COLEC10: variants seen among roughly 807,000 people sequenced by gnomAD.
COLEC10 encodes collectin-10.
In COLEC10, 22 loss-of-function variants were observed where a neutral mutation model predicts 28.4. The ratio of observed to expected loss-of-function variants is 0.78; its 90% CI spans 0.55 to 1.11. The LOEUF (loss-of-function observed/expected upper bound fraction) is 1.11. Among genes scored for constraint, COLEC10 ranks in the 50% least tolerant of loss-of-function variants. The pLI, the probability that COLEC10 is intolerant of heterozygous loss-of-function variation, is 0.00. For missense variants in COLEC10, 361 were observed against 344.1 expected (o/e 1.05, Z -0.39); for synonymous variants, 125 against 116.1 (o/e 1.08, Z -0.49).
chr8:119,051,081 G>A (rs957133926), intron 2 of COLEC10, among the ~76,000 whole-genome samples: 1 of 151,838 alleles, frequency 6.6e-6, no homozygotes, highest in Non-Finnish European at 1.5e-5. Flanking sequence ...ATGTCTTATA[G>A]AACTATTGAC....
At chr8:119,044,832 GAGAC>G (rs1416238066) in intron 2 of COLEC10, among the ~76,000 whole-genome samples, 2 of 150,548 alleles carry the variant, frequency 1.3e-5, no homozygotes, top group East Asian at 3.9e-4. Context: ...ATGACAGAGT[GAGAC>G]TGTCTCCAAA....
chr8:119,001,838 A>G (rs907899297), intron 1 of COLEC10, among the ~76,000 whole-genome samples: 9 of 152,214 alleles, frequency 5.9e-5, no homozygotes, highest in Admixed American at 5.2e-4. Context: ...TATAAACTCA[A>G]AAAGAATAAT....
At chr8:119,068,087 T>C (rs1228651474) in intron 1 of COLEC10, 1 of 152,142 alleles carries the variant, frequency 6.6e-6, no homozygotes, top group Non-Finnish European at 1.5e-5. Context: ...TTTTAAAAAA[T>C]CTATTTTTCT....
rs1471914612 is a variant in COLEC10, at chr8:119,105,949, T to G, written c.592T>G (p.Tyr198Asp). ...DEAANTLIAD[Y>D]VAKSGFFRVF... ...AGCTGCCAACACACTCATCGCTGAC[T>G]ATGTTGCCAAGAGTGGCTTCTTTCG... The change falls in exon 6 of 6, where the codon TAT (tyrosine) becomes GAT (aspartate). Residue 198 changes from tyrosine (Y) to aspartate (D), a missense_variant. Physicochemically the swap from Tyr to Asp is radical, Grantham distance 160 (BLOSUM62 -3). Around this residue, in one of 3 missense-constraint regions of COLEC10, gnomAD observed 335 missense variants for 308.5 expected, o/e 1.09. Coordinates refer to ENST00000332843, the MANE Select transcript of COLEC10 (RefSeq NM_006438.5). The G allele has an allele frequency of 6.2e-7, 1 of 1,613,880 alleles. No individual in the cohort carries two copies. The highest frequency in any genetic ancestry group is 8.5e-7 in the Non-Finnish European group (1 of 1,179,890).
chr8:119,083,288 T>C (rs1421242940), intron 1 of COLEC10, among the ~76,000 whole-genome samples: 1 of 152,212 alleles, frequency 6.6e-6, no homozygotes, highest in Non-Finnish European at 1.5e-5. Flanking sequence ...GATTCTTCAA[T>C]GATAGTCTAT....
the COLEC10 span, among the ~76,000 whole-genome samples, chr8:118,964,026 T>G: frequency 6.6e-6 from 1 of 152,124 alleles, no homozygotes; most frequent in Non-Finnish European, 1.5e-5. Context: ...AGTGAAAATG[T>G]TAAAAGTGCT....
chr8:119,039,557 G>C (rs780079341), intron 2 of COLEC10, among the ~76,000 whole-genome samples: 1 of 152,106 alleles, frequency 6.6e-6, no homozygotes, highest in African/African-American at 2.4e-5. Context: ...CATTTGGTGT[G>C]GAATGGTATT....
intron 1 of COLEC10, among the ~76,000 whole-genome samples, chr8:119,082,476 C>G (rs1387628890): frequency 2.0e-5 from 3 of 152,200 alleles, no homozygotes; most frequent in African/African-American, 7.2e-5. Context: ...GTGCCAAGTG[C>G]TAGGAATACA....
intron 2 of COLEC10, among the ~76,000 whole-genome samples, chr8:119,052,308 C>T (rs1246063755): frequency 6.6e-6 from 1 of 152,058 alleles, no homozygotes; most frequent in African/African-American, 2.4e-5. Flanking sequence ...GGTAGCAGCA[C>T]CAAGTCTTTG....
intron 2 of COLEC10, among the ~76,000 whole-genome samples, chr8:119,034,641 G>A (rs554999211): frequency 7.7e-4 from 117 of 152,186 alleles, no homozygotes; most frequent in African/African-American, 2.7e-3. Flanking sequence ...CCCAGGAGGC[G>A]GAGGTTGCAG....
At chr8:119,001,021 G>A (rs947830374) in intron 1 of COLEC10, among the ~76,000 whole-genome samples, 2 of 152,116 alleles carry the variant, frequency 1.3e-5, no homozygotes, top group African/African-American at 2.4e-5. Flanking sequence ...GACATTACTG[G>A]GACGATCAGT....
the COLEC10 span, among the ~76,000 whole-genome samples, chr8:118,973,498 C>T: frequency 6.6e-6 from 1 of 151,944 alleles, no homozygotes; most frequent in African/African-American, 2.4e-5. Context: ...CACTTCTTTA[C>T]CATGTACATT....
chr8:119,007,923 A>G (rs867179322), intron 1 of COLEC10, among the ~76,000 whole-genome samples: 1 of 150,948 alleles, frequency 6.6e-6, no homozygotes, highest in African/African-American at 2.5e-5. Flanking sequence ...ATGAGATATA[A>G]TGAGATAATC....
chr8:119,019,284 C>T (rs1276045281), intron 2 of COLEC10, among the ~76,000 whole-genome samples: 1 of 152,076 alleles, frequency 6.6e-6, no homozygotes, highest in Non-Finnish European at 1.5e-5. Flanking sequence ...GAGGAGAATA[C>T]CGGAAAACTG....
the COLEC10 span, among the ~76,000 whole-genome samples, chr8:118,987,725 A>G: frequency 1.3e-5 from 2 of 152,198 alleles, no homozygotes; most frequent in African/African-American, 2.4e-5. Context: ...ATAAAGATAG[A>G]TGTAGACATT....
intron 2 of COLEC10, chr8:119,009,562 T>G (rs1437784254): frequency 6.6e-6 from 1 of 150,884 alleles, no homozygotes; most frequent in East Asian, 1.9e-4. Flanking sequence ...CTGTAAGAAA[T>G]AAATTTCTTC....
the COLEC10 span, among the ~76,000 whole-genome samples, chr8:118,975,198 C>T: frequency 6.6e-6 from 1 of 152,024 alleles, no homozygotes. Flanking sequence ...AACATCCTAA[C>T]ACTACATCAG....
intron 2 of COLEC10, among the ~76,000 whole-genome samples, chr8:119,020,769 TC>T (rs1814076365): frequency 6.6e-6 from 1 of 152,182 alleles, no homozygotes; most frequent in Admixed American, 6.6e-5. Flanking sequence ...TTGAATCAGT[TC>T]CTAAAATTGT....
At position 119,106,293 on chromosome 8, in the gene COLEC10, C is replaced by A; in HGVS notation, c.*102C>A. 3 of 1,275,366 alleles carry A rather than the reference C, an allele frequency of 2.4e-6. No individual in the cohort carries two copies. Among genetic ancestry groups the A allele is most frequent in the Non-Finnish European group, 3.2e-6 (3 of 924,016 alleles). The allele number at this position is 1,275,366 out of a possible 1,614,324, so 79.0% of individuals were successfully genotyped here. A position where few individuals can be genotyped will look rare whatever the true frequency, so the allele number is the denominator to read the frequency against. ...TTGTACTACATTTGATCTGAGTCAA[C>A]ATAGCTAGAAAATGCTAAACTGAGG... On this transcript the variant is annotated 3_prime_UTR_variant, in exon 6 of 6. Transcript: ENST00000332843.
Sources: allele counts gnomAD v4.1 joint callset (sites outside exome capture counted in the v4.1 genomes callset), GRCh38; gene constraint gnomAD v4.1.1; regional missense constraint gnomAD v4.1.1; transcripts MANE v1.5; gene names NCBI Gene and HGNC (gene_info 2026-07-23, HGNC 2026-07-21).